Variants in PCDHGA12 observed in about 807,000 individuals in gnomAD.
PCDHGA12 encodes protocadherin gamma-A12.
In PCDHGA12, 43 loss-of-function variants were observed where a neutral mutation model predicts 61.1. The ratio of observed to expected loss-of-function variants is 0.70; its 90% CI spans 0.55 to 0.91. PCDHGA12 has a LOEUF of 0.91. Among genes scored for constraint, PCDHGA12 ranks in the 40% least tolerant of loss-of-function variants. The probability of loss-of-function intolerance (pLI) is 0.00; values close to 1 mark genes in which losing one functional copy is unlikely to be tolerated. For missense variants in PCDHGA12, 1,236 were observed against 1,227.7 expected (o/e 1.01, Z -0.10); for synonymous variants, 520 against 542.9 (o/e 0.96, Z 0.59).
rs187495695 is a variant in PCDHGA12, at chr5:141,486,508, T to G, written c.2425-8299T>G. The G allele has an allele frequency of 9.3e-6, 15 of 1,614,172 alleles. No homozygotes were observed. In the Admixed American group the frequency reaches 2.5e-4, roughly 27 times the overall value. The stretch of plus-strand genomic sequence containing the variant: ...CCCACAGAACTATTTTCCTCAATAT[T>G]TCAGATGTGAATGATAATCCACCCT... On this transcript the variant is annotated intron_variant, in intron 1 of 3. Coordinates refer to ENST00000252085, the MANE Select transcript of PCDHGA12 (RefSeq NM_003735.3). The surrounding 1 kb of genome is among the most constrained non-coding windows in gnomAD (Gnocchi z 5.0).
At position 141,490,857 on chromosome 5, in the gene PCDHGA12, C is replaced by G; in HGVS notation, c.2425-3950C>G. 6.2e-7 allele frequency: 1 copy of G among 1,613,832 alleles called. No homozygotes were observed. Among genetic ancestry groups the G allele is most frequent in the Admixed American group, 1.7e-5 (1 of 60,012 alleles). On this transcript the variant is annotated intron_variant, in intron 1 of 3. Coordinates refer to ENST00000252085, the MANE Select transcript of PCDHGA12 (RefSeq NM_003735.3). The surrounding 1 kb of genome is among the most constrained non-coding windows in gnomAD (Gnocchi z 5.4). ...AGATTGTGGTGGGGGTTCGAGACTCCGGCTCTCCCCCATTGCATGCCAACA... is the reference window on the plus strand; with the variant it reads ...AGATTGTGGTGGGGGTTCGAGACTCGGGCTCTCCCCCATTGCATGCCAACA...
intron 1 of PCDHGA12, among the ~76,000 whole-genome samples, chr5:141,448,451 C>T (rs1261733103): frequency 6.6e-6 from 1 of 152,032 alleles, no homozygotes; most frequent in Admixed American, 6.6e-5. Context: ...GACTTCCATC[C>T]CTATCCTACT....
Position 141,489,465 on chromosome 5 carries a change from T to C in PCDHGA12, c.2425-5342T>C. On this transcript the variant is annotated intron_variant, in intron 1 of 3. Transcript: ENST00000252085. The surrounding 1 kb of genome is among the most constrained non-coding windows in gnomAD (Gnocchi z 4.5). The stretch of plus-strand genomic sequence containing the variant: ...GCTCTGAGGAGAATGGGCGCTATTT[T>C]TCCCTGAGCTTGATGAGTGGTGCCC... The C allele has an allele frequency of 1.2e-6, 2 of 1,614,082 alleles. No homozygotes were observed. The highest frequency in any genetic ancestry group is 1.3e-5 in the African/African-American group (1 of 75,042).
chr5:141,430,723 A>C lies in PCDHGA12; in HGVS notation c.-37A>C, dbSNP rs554822923. ...GAACTGCTCCTGACTTCAGTGGTTAAGGGCAGAATTGAAAATAATTCTGGA... is the reference window on the plus strand; with the variant it reads ...GAACTGCTCCTGACTTCAGTGGTTACGGGCAGAATTGAAAATAATTCTGGA... On this transcript the variant is annotated 5_prime_UTR_variant, in exon 1 of 4. It removes the in-frame stop codon of an upstream open reading frame in the 5' UTR. Transcript: ENST00000252085. 58 of 1,493,590 alleles carry C rather than the reference A, an allele frequency of 3.9e-5. No homozygotes were observed. The African/African-American group carries it at 7.7e-4, about 20-fold the overall frequency. The allele number at this position is 1,493,590 out of a possible 1,614,324, so 92.5% of individuals were successfully genotyped here. A position where few individuals can be genotyped will look rare whatever the true frequency, so the allele number is the denominator to read the frequency against.
At chr5:141,494,181 C>T (rs2099752517) in intron 1 of PCDHGA12, among the ~76,000 whole-genome samples, 1 of 152,136 alleles carries the variant, frequency 6.6e-6, no homozygotes, top group Non-Finnish European at 1.5e-5. Flanking sequence ...GAGAAGTGTC[C>T]CGGGACTTGG....
rs752954707 is a variant in PCDHGA12 at position 141,476,801 on chromosome 5, C to T, written c.2425-18006C>T. The T allele has an allele frequency of 6.2e-7, 1 of 1,613,586 alleles. No individual in the cohort carries two copies. Among genetic ancestry groups the T allele is most frequent in the Non-Finnish European group, 8.5e-7 (1 of 1,180,020 alleles). On this transcript the variant is annotated intron_variant, in intron 1 of 3. Coordinates refer to ENST00000252085, the MANE Select transcript of PCDHGA12 (RefSeq NM_003735.3). This position sits in a 1 kb window ranked among gnomAD's most constrained non-coding sequence, Gnocchi z 7.6. Reference sequence around the variant, plus strand: ...GACCCCAGCTCTCTCCGCCAGCCTGCCTATTCACATCAAGGTGCTGGACGC... The same window carrying T: ...GACCCCAGCTCTCTCCGCCAGCCTGTCTATTCACATCAAGGTGCTGGACGC...
intron 1 of PCDHGA12, among the ~76,000 whole-genome samples, chr5:141,473,858 C>T (rs569473917): frequency 6.6e-6 from 1 of 152,168 alleles, no homozygotes; most frequent in Non-Finnish European, 1.5e-5. Flanking sequence ...ATGAACCTCG[C>T]TATTGTGGAG....
Position 141,486,895 on chromosome 5 carries a change from C to T in PCDHGA12, c.2425-7912C>T, listed in dbSNP as rs1286004461. ...TCCGTCCTCGGGCCCGGCCTGGTTC[C>T]TTATGTCCCCAAGCACTGCCTCCAT... On this transcript the variant is annotated intron_variant, in intron 1 of 3. Coordinates refer to ENST00000252085, the MANE Select transcript of PCDHGA12 (RefSeq NM_003735.3). This position sits in a 1 kb window ranked among gnomAD's most constrained non-coding sequence, Gnocchi z 5.0. 3 of 1,614,134 alleles carry T rather than the reference C, an allele frequency of 1.9e-6. No homozygotes were observed. The highest frequency in any genetic ancestry group is 3.3e-5 in the Admixed American group (2 of 60,012).
intron 1 of PCDHGA12, among the ~76,000 whole-genome samples, chr5:141,437,550 A>T (rs866913156): frequency 6.6e-6 from 1 of 152,192 alleles, no homozygotes; most frequent in African/African-American, 2.4e-5. Context: ...AGTTTTCTTT[A>T]TGACATGTAA....
At position 141,432,730 on chromosome 5, in the gene PCDHGA12, T is replaced by A; in HGVS notation, c.1971T>A (p.Thr657=). 6.2e-7 allele frequency: 1 copy of A among 1,614,052 alleles called. No homozygotes were observed. Among genetic ancestry groups the A allele is most frequent in the Non-Finnish European group, 8.5e-7 (1 of 1,179,976 alleles). The part of the protein sequence containing the change: ...QDHGQPPLSA[T]VTLTVAVADS... Reference sequence around the variant, plus strand: ...ACGGCCAGCCCCCTCTCTCCGCCACTGTCACGCTCACCGTGGCCGTGGCCG... The same window carrying A: ...ACGGCCAGCCCCCTCTCTCCGCCACAGTCACGCTCACCGTGGCCGTGGCCG... The change falls in exon 1 of 4, where the codon ACT becomes ACA. Residue 657 remains threonine, a synonymous_variant. Transcript: ENST00000252085. The surrounding 1 kb of genome is among the most constrained non-coding windows in gnomAD (Gnocchi z 6.0).
At chr5:141,500,488 C>A (rs569168291) in intron 2 of PCDHGA12, among the ~76,000 whole-genome samples, 2 of 152,060 alleles carry the variant, frequency 1.3e-5, no homozygotes, top group East Asian at 3.9e-4. Flanking sequence ...GGATTACAGG[C>A]GTGAGCCACC....
intron 2 of PCDHGA12, among the ~76,000 whole-genome samples, chr5:141,502,866 C>CTTTTT (rs549047197): frequency 1.6e-5 from 2 of 128,044 alleles, no homozygotes; most frequent in Non-Finnish European, 1.6e-5. Flanking sequence ...GACTCTCTGT[C>CTTTTT]TTTTTTTTTT....
At chr5:141,464,134 G>A (rs1270558696) in intron 1 of PCDHGA12, among the ~76,000 whole-genome samples, 1 of 151,944 alleles carries the variant, frequency 6.6e-6, no homozygotes, top group Admixed American at 6.6e-5. Context: ...GTGTGGTGGT[G>A]GGCGCCTGTA....
Position 141,491,713 on chromosome 5 carries a change from G to A in PCDHGA12, c.2425-3094G>A. On this transcript the variant is annotated intron_variant, in intron 1 of 3. Transcript: ENST00000252085. This position sits in a 1 kb window ranked among gnomAD's most constrained non-coding sequence, Gnocchi z 6.9. ...GGAGCGGAGCCAGGTGAGGGGCTCG[G>A]CGCCGCCCCGGGCGACCCCTGGGGG... The A allele has an allele frequency of 1.9e-6, 3 of 1,609,174 alleles. No individual in the cohort carries two copies. Among genetic ancestry groups the A allele is most frequent in the Non-Finnish European group, 2.5e-6 (3 of 1,178,054 alleles).
chr5:141,483,811 C>A (rs1252197546), intron 1 of PCDHGA12, among the ~76,000 whole-genome samples: 1 of 152,102 alleles, frequency 6.6e-6, no homozygotes, highest in Non-Finnish European at 1.5e-5. Flanking sequence ...CTTTTTTTGG[C>A]AGCCAGTGTA....
chr5:141,500,871 T>C (rs2154592764), intron 2 of PCDHGA12, among the ~76,000 whole-genome samples: 1 of 135,840 alleles, frequency 7.4e-6, no homozygotes, highest in African/African-American at 3.0e-5. Context: ...TACACATTCA[T>C]TTACAATTTT....
intron 1 of PCDHGA12, among the ~76,000 whole-genome samples, chr5:141,463,632 T>C (rs2099065676): frequency 6.6e-6 from 1 of 151,822 alleles, no homozygotes; most frequent in Admixed American, 6.6e-5. Flanking sequence ...GTATTTTGTT[T>C]AGTAGAGACG....
intron 1 of PCDHGA12, among the ~76,000 whole-genome samples, chr5:141,469,882 G>A (rs760102003): frequency 2.6e-5 from 4 of 152,280 alleles, no homozygotes; most frequent in Non-Finnish European, 4.4e-5. Context: ...TGTAATCTCG[G>A]CACTTTGGGA....
intron 1 of PCDHGA12, chr5:141,440,464 G>C (rs2003094): frequency 1.3e-5 from 2 of 152,150 alleles, no homozygotes; most frequent in Admixed American, 6.5e-5. Context: ...ATGAACAAAC[G>C]GTAGTTGAAA....
Sources: allele counts gnomAD v4.1 joint callset (sites outside exome capture counted in the v4.1 genomes callset), GRCh38; gene constraint gnomAD v4.1.1; non-coding constraint Gnocchi (gnomAD v3.1); transcripts MANE v1.5; gene names NCBI Gene and HGNC (gene_info 2026-07-23, HGNC 2026-07-21).